Variants in BMPER observed in about 807,000 individuals in gnomAD.
BMPER encodes BMP-binding endothelial regulator protein.
Under a neutral mutation model 87.3 loss-of-function variants are expected in BMPER, and 45 were observed. That is an observed-to-expected ratio of 0.52 (90% CI 0.41 to 0.66). BMPER has a LOEUF of 0.66. Ranked by LOEUF, BMPER falls within the 30% of genes least tolerant of loss-of-function variation. The pLI is 0.00. For missense variants in BMPER, 784 were observed against 867.5 expected, an observed-to-expected ratio of 0.90 and a Z score of 1.21; for synonymous variants, 326 against 316.2, an observed-to-expected ratio of 1.03 and a Z score of -0.33.
At chr7:34,146,402 C>T (rs1336959578) in intron 14 of BMPER, among the ~76,000 whole-genome samples, 4 of 152,056 alleles carry the variant, frequency 2.6e-5, no homozygotes, top group African/African-American at 9.7e-5. Flanking sequence ...AATATGTGCC[C>T]GCCACCTATG....
At chr7:34,029,702 GC>G (rs1787473856) in intron 6 of BMPER, among the ~76,000 whole-genome samples, 1 of 151,992 alleles carries the variant, frequency 6.6e-6, no homozygotes, top group Admixed American at 6.6e-5. Context: ...CTTTTTTAAG[GC>G]CTCCCAGAGC....
At chr7:34,071,160 A>G (rs1385582041) in intron 11 of BMPER, among the ~76,000 whole-genome samples, 1 of 152,140 alleles carries the variant, frequency 6.6e-6, no homozygotes, top group Non-Finnish European at 1.5e-5. Context: ...CTCAATTTAC[A>G]TTGTCTTTTC....
At chr7:34,082,011 A>G (rs1305381649) in intron 12 of BMPER, among the ~76,000 whole-genome samples, 1 of 152,184 alleles carries the variant, frequency 6.6e-6, no homozygotes, top group African/African-American at 2.4e-5. Context: ...GTCTGGAGCT[A>G]GGTCACATAT....
chr7:33,989,949 G>A (rs1786154677), intron 6 of BMPER, among the ~76,000 whole-genome samples: 2 of 152,056 alleles, frequency 1.3e-5, no homozygotes, highest in South Asian at 4.2e-4. Context: ...TATTTCTGAG[G>A]GTTCTGTTCT....
rs560054050 is a variant in BMPER, at chr7:33,951,502, C to T, written c.319+14114C>T. 4.6e-5 allele frequency among the ~76,000 whole-genome samples: 7 copies of T among 152,188 alleles called. No individual in the cohort carries two copies. The East Asian group carries it at 9.7e-4, about 21-fold the overall frequency. Reference sequence around the variant, plus strand: ...ACATTTCACTTTGGACATTCTTTCCCGGCATCCATGGGTACTTGCTGTACA... The same window carrying T: ...ACATTTCACTTTGGACATTCTTTCCTGGCATCCATGGGTACTTGCTGTACA... On this transcript the variant is annotated intron_variant, in intron 3 of 14. Transcript: ENST00000649409.
chr7:33,964,689 T>C (rs1785360213), intron 3 of BMPER, among the ~76,000 whole-genome samples: 2 of 152,198 alleles, frequency 1.3e-5, no homozygotes, highest in South Asian at 4.1e-4. Flanking sequence ...TGGCATTGCT[T>C]GGGAACAGCC....
intron 13 of BMPER, among the ~76,000 whole-genome samples, chr7:34,091,629 A>G (rs1030210499): frequency 6.6e-6 from 1 of 152,162 alleles, no homozygotes; most frequent in Non-Finnish European, 1.5e-5. Context: ...AGTTCATGTC[A>G]TTCTCCTGCC....
chr7:33,916,598 G>A (rs1160523124), intron 2 of BMPER, among the ~76,000 whole-genome samples: 1 of 152,250 alleles, frequency 6.6e-6, no homozygotes, highest in Non-Finnish European at 1.5e-5. Flanking sequence ...CATTCATACA[G>A]CCTTCTGTGC....
intron 7 of BMPER, 78 bp from the exon 8 acceptor site, chr7:34,051,783 C>G (rs1479113662): frequency 1.6e-6 from 2 of 1,234,094 alleles, no homozygotes; most frequent in African/African-American, 3.0e-5. Context: ...TATAATGGAC[C>G]TATGATGGAA....
At chr7:34,084,902 T>G (rs2127976639) in intron 12 of BMPER, among the ~76,000 whole-genome samples, 1 of 152,358 alleles carries the variant, frequency 6.6e-6, no homozygotes, top group Non-Finnish European at 1.5e-5. Context: ...GATAGTCAGC[T>G]TAGCAAACCA....
At chr7:34,032,796 G>A (rs759940099) in intron 6 of BMPER, among the ~76,000 whole-genome samples, 7 of 152,156 alleles carry the variant, frequency 4.6e-5, no homozygotes, top group African/African-American at 9.6e-5. Context: ...GTGGTTTCCC[G>A]TTTCCCTACC....
intron 3 of BMPER, among the ~76,000 whole-genome samples, chr7:33,951,013 C>T (rs942959642): frequency 6.6e-6 from 1 of 151,982 alleles, no homozygotes; most frequent in Non-Finnish European, 1.5e-5. Flanking sequence ...TTGCTCTCCC[C>T]TGTCTCCCCA....
chr7:34,009,025 T>C (rs900245361), intron 6 of BMPER, among the ~76,000 whole-genome samples: 67 of 152,000 alleles, frequency 4.4e-4, no homozygotes, highest in African/African-American at 1.6e-3. Flanking sequence ...GGTCTCACTA[T>C]GTTGCCCAGG....
chr7:34,065,244 CT>C (rs1788554570), intron 11 of BMPER, among the ~76,000 whole-genome samples: 3 of 147,022 alleles, frequency 2.0e-5, no homozygotes, highest in South Asian at 4.3e-4. Context: ...CTCTCTCTCT[CT>C]CTCCCTCTCT....
chr7:34,063,060 G>A (rs2127965833), intron 11 of BMPER, among the ~76,000 whole-genome samples: 1 of 152,296 alleles, frequency 6.6e-6, no homozygotes, highest in South Asian at 2.1e-4. Flanking sequence ...TGCCATTTTA[G>A]TCCTCCTGAA....
chr7:33,989,507 G>A (rs905405944), intron 6 of BMPER, among the ~76,000 whole-genome samples: 5 of 152,084 alleles, frequency 3.3e-5, no homozygotes, highest in Non-Finnish European at 7.4e-5. Context: ...TGTAGATTCT[G>A]GATATTAGCC....
intron 6 of BMPER, among the ~76,000 whole-genome samples, chr7:34,025,820 G>A (rs902958541): frequency 5.9e-5 from 9 of 152,162 alleles, no homozygotes; most frequent in East Asian, 1.9e-4. Context: ...AAGGACAAGC[G>A]CTGGATATAG....
intron 11 of BMPER, among the ~76,000 whole-genome samples, chr7:34,074,664 A>G (rs1788817218): frequency 6.6e-6 from 1 of 152,126 alleles, no homozygotes; most frequent in African/African-American, 2.4e-5. Flanking sequence ...TATTTCTGGA[A>G]ATGCAGTGAT....
At chr7:33,988,242 G>C (rs912382954) in intron 6 of BMPER, among the ~76,000 whole-genome samples, 2 of 152,126 alleles carry the variant, frequency 1.3e-5, no homozygotes, top group Non-Finnish European at 2.9e-5. Flanking sequence ...CAAATGCTAG[G>C]AGTGACTCTT....
Sources: gnomAD v4.1 joint callset for allele counts (sites outside exome capture counted in the v4.1 genomes callset) on GRCh38, gnomAD v4.1.1 for gene constraint, MANE v1.5 for transcripts, NCBI Gene and HGNC (gene_info 2026-07-23, HGNC 2026-07-21) for gene names.